CIMIP2A: variants seen among roughly 807,000 people sequenced by gnomAD.
CIMIP2A encodes family with sequence similarity 166 member A.
the CIMIP2A span, chr9:137,253,076 T>A: frequency 6.5e-7 from 1 of 1,542,110 alleles, no homozygotes; most frequent in East Asian, 2.3e-5. Flanking sequence ...GAGTTGGGGC[T>A]GCTACCTGGG....
At chr9:137,244,961 C>T in the CIMIP2A span, 2 of 1,603,636 alleles carry the variant, frequency 1.2e-6, no homozygotes, top group Admixed American at 1.7e-5. Context: ...GGAGGTCCCC[C>T]CAGGCCGCTA....
the CIMIP2A span, chr9:137,243,725 C>A: frequency 1.2e-6 from 2 of 1,614,014 alleles, no homozygotes; most frequent in Non-Finnish European, 1.7e-6. Context: ...TCGCTTTGCC[C>A]ATTCCTTCCA....
chr9:137,244,468 C>A, the CIMIP2A span: 1 of 1,499,774 alleles, frequency 6.7e-7, no homozygotes, highest in Admixed American at 2.1e-5. Flanking sequence ...CCAAGCAAGA[C>A]TCAGGAGAGA....
chr9:137,247,874 A>C, the CIMIP2A span: 1 of 688,080 alleles, frequency 1.5e-6, no homozygotes, highest in South Asian at 1.7e-5. Context: ...CCCACATTGC[A>C]CAGGTGAGAC....
At chr9:137,248,220 T>C in the CIMIP2A span, among the ~76,000 whole-genome samples, 1 of 152,306 alleles carries the variant, frequency 6.6e-6, no homozygotes, top group African/African-American at 2.4e-5. Context: ...ATTTTGTTCT[T>C]TTTTTGTACA....
the CIMIP2A span, chr9:137,253,551 C>A: frequency 7.4e-7 from 1 of 1,355,242 alleles, no homozygotes; most frequent in Non-Finnish European, 9.6e-7. Flanking sequence ...GCCGCTGGGT[C>A]ATTTCCGGCT....
At chr9:137,245,861 G>A in the CIMIP2A span, 12 of 1,500,116 alleles carry the variant, frequency 8.0e-6, no homozygotes, top group Non-Finnish European at 1.1e-5. Context: ...TAGCTGTGGA[G>A]GGAAGAGAAG....
chr9:137,253,410 G>C, the CIMIP2A span: 4 of 1,469,668 alleles, frequency 2.7e-6, no homozygotes, highest in Non-Finnish European at 3.6e-6. Flanking sequence ...ATGGGCTGTG[G>C]ACAAGGCTGG....
the CIMIP2A span, chr9:137,253,242 C>G: frequency 1.4e-5 from 22 of 1,605,498 alleles, no homozygotes; most frequent in South Asian, 2.5e-4. Context: ...TCTGCACGCT[C>G]TAGAGCCAGC....
At chr9:137,251,845 G>C in the CIMIP2A span, 3 of 1,607,424 alleles carry the variant, frequency 1.9e-6, no homozygotes, top group Non-Finnish European at 1.7e-6. Context: ...TTACAGACGG[G>C]CACCCCCCAG....
chr9:137,253,095 C>T, the CIMIP2A span: 2 of 1,547,576 alleles, frequency 1.3e-6, no homozygotes, highest in African/African-American at 1.4e-5. Context: ...GGTGGGGCTC[C>T]CAGCCTTCTC....
the CIMIP2A span, chr9:137,251,993 G>A: frequency 6.2e-7 from 1 of 1,609,098 alleles, no homozygotes; most frequent in Non-Finnish European, 8.5e-7. Flanking sequence ...CTTGCTTCCT[G>A]TGGCCAGTGC....
the CIMIP2A span, among the ~76,000 whole-genome samples, chr9:137,254,316 C>G: frequency 6.6e-6 from 1 of 152,248 alleles, no homozygotes; most frequent in African/African-American, 2.4e-5. Context: ...CACTGGAACC[C>G]TCGCCCTAGG....
the CIMIP2A span, chr9:137,244,728 C>A: frequency 6.2e-7 from 1 of 1,613,174 alleles, no homozygotes; most frequent in Non-Finnish European, 8.5e-7. Flanking sequence ...GGAATGAAGC[C>A]AGCATAGCCT....
the CIMIP2A span, chr9:137,245,820 C>A: frequency 6.6e-7 from 1 of 1,510,048 alleles, no homozygotes; most frequent in Non-Finnish European, 8.9e-7. Flanking sequence ...TGTTCCCCAC[C>A]TGGTAGCGCA....
chr9:137,244,562 G>A, the CIMIP2A span: 1 of 1,573,788 alleles, frequency 6.4e-7, no homozygotes, highest in Non-Finnish European at 8.7e-7. Flanking sequence ...GGCCTTCAAG[G>A]CACCCTCCAG....
At chr9:137,244,099 G>A in the CIMIP2A span, 8 of 1,425,564 alleles carry the variant, frequency 5.6e-6, no homozygotes, top group Non-Finnish European at 2.0e-6. Flanking sequence ...AGCAATGAAG[G>A]GTGAGCAGGT....
At chr9:137,243,650 G>A in the CIMIP2A span, 1 of 1,614,050 alleles carries the variant, frequency 6.2e-7, no homozygotes, top group South Asian at 1.1e-5. Context: ...TGCACTTGCT[G>A]TTTTCCCTGT....
chr9:137,246,490 G>A, the CIMIP2A span, among the ~76,000 whole-genome samples: 6 of 152,234 alleles, frequency 3.9e-5, no homozygotes, highest in South Asian at 2.1e-4. Context: ...AGGGCCGGGC[G>A]CGGTGGCTCA....
Sources: gnomAD v4.1 joint callset for allele counts (sites outside exome capture counted in the v4.1 genomes callset) on GRCh38, gnomAD v4.1.1 for gene constraint, MANE v1.5 for transcripts, NCBI Gene and HGNC (gene_info 2026-07-23, HGNC 2026-07-21) for gene names.